SYT16: variants seen among roughly 807,000 people sequenced by gnomAD.
SYT16 encodes synaptotagmin 16.
Under a neutral mutation model 61.4 loss-of-function variants are expected in SYT16, and 42 were observed. The ratio of observed to expected loss-of-function variants is 0.68; its 90% CI spans 0.53 to 0.89. The LOEUF (loss-of-function observed/expected upper bound fraction) is 0.89. SYT16 is among the 40% of genes least tolerant of loss of function. The pLI, the probability that SYT16 is intolerant of heterozygous loss-of-function variation, is 0.00. For missense variants in SYT16, 804 were observed against 807.3 expected (o/e 1.00, Z 0.05); for synonymous variants, 314 against 302.3 (o/e 1.04, Z -0.40).
At chr14:61,869,134 A>G (rs181125023) in intron 1 of SYT16, among the ~76,000 whole-genome samples, 2 of 151,854 alleles carry the variant, frequency 1.3e-5, no homozygotes, top group Admixed American at 6.6e-5. Flanking sequence ...TCTTTTTTCT[A>G]TCTTTTTTAC....
At chr14:61,847,604 G>C (rs529663755) in intron 1 of SYT16, among the ~76,000 whole-genome samples, 1 of 152,084 alleles carries the variant, frequency 6.6e-6, no homozygotes, top group Admixed American at 6.6e-5. Flanking sequence ...TCTTTCTCTA[G>C]GTTTGGGAAG....
At chr14:61,835,250 ATTTTTTTTTTTT>A (rs11378872) in intron 1 of SYT16, among the ~76,000 whole-genome samples, 1 of 110,778 alleles carries the variant, frequency 9.0e-6, no homozygotes, top group African/African-American at 3.5e-5. Flanking sequence ...TGAAAGGTGA[ATTTTTTTTTTTT>A]TTTTTTTTTT....
chr14:61,866,956 C>G (rs1458496982), intron 1 of SYT16, among the ~76,000 whole-genome samples: 1 of 150,850 alleles, frequency 6.6e-6, no homozygotes, highest in African/African-American at 2.5e-5. Context: ...GGTCTAGGCT[C>G]ATTTTTTTTT....
chr14:61,904,508 G>A (rs2048633159), intron 1 of SYT16, among the ~76,000 whole-genome samples: 1 of 152,164 alleles, frequency 6.6e-6, no homozygotes, highest in African/African-American at 2.4e-5. Flanking sequence ...AAACTTTTAC[G>A]AAGAGCTGTG....
chr14:61,845,629 T>C (rs2046424890), intron 1 of SYT16, among the ~76,000 whole-genome samples: 1 of 152,190 alleles, frequency 6.6e-6, no homozygotes, highest in South Asian at 2.1e-4. Flanking sequence ...GTTTAGCTTT[T>C]CAAAAAACCA....
chr14:61,926,930 T>C (rs1372243142), intron 1 of SYT16, among the ~76,000 whole-genome samples: 1 of 152,168 alleles, frequency 6.6e-6, no homozygotes, highest in East Asian at 1.9e-4. Flanking sequence ...AAAAATAAAA[T>C]ACTAGTTTTC....
intron 1 of SYT16, among the ~76,000 whole-genome samples, chr14:61,929,954 C>T (rs73260227): frequency 0.02 from 2,997 of 152,230 alleles, 100 homozygotes; most frequent in African/African-American, 0.067. Context: ...GCTTAGGTCA[C>T]AGAAGTACTT....
At chr14:61,824,985 T>G (rs1464488274) in intron 1 of SYT16, among the ~76,000 whole-genome samples, 1 of 152,138 alleles carries the variant, frequency 6.6e-6, no homozygotes, top group Non-Finnish European at 1.5e-5. Flanking sequence ...ATGGGAAATA[T>G]CAGTAAATAA....
At chr14:62,063,467 T>C (rs1359399301) in intron 3 of SYT16, among the ~76,000 whole-genome samples, 2 of 152,202 alleles carry the variant, frequency 1.3e-5, no homozygotes, top group African/African-American at 4.8e-5. Flanking sequence ...AGGTAAGGGA[T>C]ATCAAAATGA....
intron 1 of SYT16, among the ~76,000 whole-genome samples, chr14:61,938,371 C>T (rs181745520): frequency 4.5e-4 from 69 of 151,986 alleles, no homozygotes; most frequent in African/African-American, 1.6e-3. Context: ...TTGCCAGATA[C>T]GAGATGTTTG....
chr14:62,051,971 G>A (rs1167175356), intron 3 of SYT16, among the ~76,000 whole-genome samples: 1 of 152,184 alleles, frequency 6.6e-6, no homozygotes, highest in East Asian at 1.9e-4. Flanking sequence ...GGTTGAGGCT[G>A]CAGTGAGCTA....
At chr14:61,992,072 T>G (rs892210723) in intron 2 of SYT16, among the ~76,000 whole-genome samples, 3 of 152,084 alleles carry the variant, frequency 2.0e-5, no homozygotes, top group Non-Finnish European at 4.4e-5. Context: ...GGACTCCCAG[T>G]CCATTGGAAG....
chr14:61,877,256 C>A (rs531993500), intron 1 of SYT16, among the ~76,000 whole-genome samples: 3 of 152,238 alleles, frequency 2.0e-5, no homozygotes, highest in Non-Finnish European at 4.4e-5. Flanking sequence ...GATGGTTTGA[C>A]ATCTGGTTGG....
At chr14:61,824,480 G>A (rs2045711714) in intron 1 of SYT16, among the ~76,000 whole-genome samples, 1 of 152,084 alleles carries the variant, frequency 6.6e-6, no homozygotes, top group East Asian at 1.9e-4. Context: ...AGCCTCCCGA[G>A]TAGCTGGGAC....
intron 3 of SYT16, among the ~76,000 whole-genome samples, chr14:62,049,658 T>G (rs944227451): frequency 3.5e-4 from 53 of 152,322 alleles, no homozygotes; most frequent in African/African-American, 1.2e-3. Flanking sequence ...AGGAGCTCTT[T>G]TAGGGCAGGC....
At chr14:61,873,416 TCTTTC>T (rs2047391056) in intron 1 of SYT16, among the ~76,000 whole-genome samples, 1 of 152,142 alleles carries the variant, frequency 6.6e-6, no homozygotes, top group East Asian at 1.9e-4. Context: ...TAACAAACCG[TCTTTC>T]CTTTTTCTCC....
At position 61,890,976 on chromosome 14, in the gene SYT16, C is replaced by T. The variant is rs751495296; in HGVS notation, c.-325+78166C>T. On this transcript the variant is annotated intron_variant, in intron 1 of 7. Coordinates refer to ENST00000683842, the MANE Select transcript of SYT16 (RefSeq NM_001367656.1). ...TATAAGTCCCTGGAGTGCAGAGACT[C>T]TCTGTTGCTAACTTCAGTTCAGGTG... Among the ~76,000 whole-genome samples, 7 of 152,270 alleles carry T rather than the reference C, an allele frequency of 4.6e-5. No homozygotes were observed. In the South Asian group the frequency reaches 1.0e-3, roughly 23 times the overall value.
intron 3 of SYT16, among the ~76,000 whole-genome samples, chr14:62,060,506 G>A (rs1459826378): frequency 8.6e-6 from 1 of 116,794 alleles, no homozygotes; most frequent in Non-Finnish European, 1.6e-5. Context: ...CCATAGGATG[G>A]TGAAATTTTT....
chr14:62,069,059 G>A (rs961032604), intron 3 of SYT16, among the ~76,000 whole-genome samples: 16 of 152,196 alleles, frequency 1.1e-4, no homozygotes, highest in Non-Finnish European at 2.4e-4. Flanking sequence ...GCCTCCCAAC[G>A]TGCTGGGATT....
Sources: gnomAD v4.1 joint callset for allele counts (sites outside exome capture counted in the v4.1 genomes callset) on GRCh38, gnomAD v4.1.1 for gene constraint, MANE v1.5 for transcripts, NCBI Gene and HGNC (gene_info 2026-07-23, HGNC 2026-07-21) for gene names.